Variants in ERC2 observed in about 807,000 individuals in gnomAD.
The protein encoded by ERC2 is ELKS/RAB6-interacting/CAST family member 2.
Under a neutral mutation model 114.8 loss-of-function variants are expected in ERC2, and 42 were observed. The ratio of observed to expected loss-of-function variants is 0.37; its 90% CI spans 0.29 to 0.47. ERC2 has a LOEUF of 0.47. Ranked by LOEUF, ERC2 falls within the 20% of genes least tolerant of loss-of-function variation. ERC2 has a pLI of 0.99. For synonymous variants in ERC2, 454 were observed against 425.5 expected, an observed-to-expected ratio of 1.07 and a Z score of -0.82; for missense variants, 939 against 1,150.7, an observed-to-expected ratio of 0.82 and a Z score of 2.66.
rs1452733412 is a variant in ERC2 at position 55,561,074 on chromosome 3, C to T, written c.*40-49798G>A. ...TATCGATGGCCAAAGGCAAACATGGCTTCACCAGTTCAGGCAGAAGCTTTA... is the reference window on the plus strand; with the variant it reads ...TATCGATGGCCAAAGGCAAACATGGTTTCACCAGTTCAGGCAGAAGCTTTA... On this transcript the variant is annotated intron_variant, in intron 17 of 17. Transcript: ENST00000288221. Among the ~76,000 whole-genome samples, 5 of 151,902 alleles carry T rather than the reference C, an allele frequency of 3.3e-5. No individual in the cohort carries two copies. The East Asian group carries it at 9.7e-4, about 29-fold the overall frequency.
chr3:56,268,223 C>T (rs2053448074), intron 3 of ERC2, among the ~76,000 whole-genome samples: 1 of 152,082 alleles, frequency 6.6e-6, no homozygotes, highest in African/African-American at 2.4e-5. Context: ...ATATTCAGTC[C>T]AGTAATATGC....
At chr3:56,429,019 C>A (rs553028435) in intron 2 of ERC2, among the ~76,000 whole-genome samples, 2 of 152,064 alleles carry the variant, frequency 1.3e-5, no homozygotes, top group Admixed American at 6.5e-5. Context: ...GGAAGAAATC[C>A]GTTAGAAATA....
intron 3 of ERC2, among the ~76,000 whole-genome samples, chr3:56,190,346 A>G (rs1384075965): frequency 1.3e-5 from 2 of 152,264 alleles, no homozygotes; most frequent in East Asian, 3.9e-4. Flanking sequence ...CACCTCATTG[A>G]GTTGTGAGAA....
At chr3:55,709,412 T>C (rs546899808) in intron 15 of ERC2, among the ~76,000 whole-genome samples, 2 of 152,286 alleles carry the variant, frequency 1.3e-5, no homozygotes, top group South Asian at 2.1e-4. Context: ...ATAGAAATTA[T>C]GTCTTAGGAT....
At chr3:56,131,946 C>G (rs2080227212) in intron 6 of ERC2, among the ~76,000 whole-genome samples, 1 of 152,130 alleles carries the variant, frequency 6.6e-6, no homozygotes, top group Non-Finnish European at 1.5e-5. Context: ...TCACCGTACC[C>G]CATAAATATG....
At chr3:55,808,253 A>C (rs571267629) in intron 14 of ERC2, among the ~76,000 whole-genome samples, 1 of 152,208 alleles carries the variant, frequency 6.6e-6, no homozygotes, top group East Asian at 1.9e-4. Flanking sequence ...ATAAGATGAA[A>C]GTAGAATTTC....
At chr3:55,593,771 C>G (rs1013910501) in intron 17 of ERC2, among the ~76,000 whole-genome samples, 2 of 152,132 alleles carry the variant, frequency 1.3e-5, no homozygotes, top group African/African-American at 4.8e-5. Flanking sequence ...GAAGACTCAA[C>G]CTCTTCTGGC....
At chr3:55,766,480 C>T (rs1467100607) in intron 14 of ERC2, among the ~76,000 whole-genome samples, 2 of 152,124 alleles carry the variant, frequency 1.3e-5, no homozygotes, top group Non-Finnish European at 2.9e-5. Flanking sequence ...AATCCAACAA[C>T]AGTATGCAAG....
intron 2 of ERC2, among the ~76,000 whole-genome samples, chr3:56,297,182 T>G (rs2055501096): frequency 6.6e-6 from 1 of 150,480 alleles, no homozygotes; most frequent in African/African-American, 2.5e-5. Flanking sequence ...GCAAAGGATA[T>G]TTAACAGAAA....
intron 7 of ERC2, among the ~76,000 whole-genome samples, chr3:56,074,455 C>A (rs942361306): frequency 1.3e-5 from 2 of 151,956 alleles, no homozygotes; most frequent in African/African-American, 4.8e-5. Flanking sequence ...TTGGAAATGA[C>A]CACATATAAC....
chr3:56,324,008 A>G (rs2057245773), intron 2 of ERC2, among the ~76,000 whole-genome samples: 1 of 152,198 alleles, frequency 6.6e-6, no homozygotes, highest in African/African-American at 2.4e-5. Flanking sequence ...TCTGGCACCT[A>G]CAACCGTGTG....
intron 3 of ERC2, among the ~76,000 whole-genome samples, chr3:56,219,136 T>C (rs2049720221): frequency 6.6e-6 from 1 of 151,948 alleles, no homozygotes; most frequent in South Asian, 2.1e-4. Context: ...TAAAGTATAA[T>C]AAATAAAATA....
intron 16 of ERC2, among the ~76,000 whole-genome samples, chr3:55,691,561 AAAAAAAAAAAAAATATATAT>A (rs1280249794): frequency 5.5e-5 from 5 of 91,434 alleles, no homozygotes; most frequent in African/African-American, 2.2e-4. Flanking sequence ...AAAAAAAAAA[AAAAAAAAAAAAAATATATAT>A]ATATATATAT....
chr3:55,693,787 C>T (rs2062788127), intron 16 of ERC2, among the ~76,000 whole-genome samples: 1 of 151,944 alleles, frequency 6.6e-6, no homozygotes, highest in Non-Finnish European at 1.5e-5. Flanking sequence ...CAGCTCACTG[C>T]CACCTCCACC....
chr3:56,005,838 C>T lies in ERC2; in HGVS notation c.2061+1343G>A, dbSNP rs149541593. 2.7e-3 allele frequency among the ~76,000 whole-genome samples: 406 copies of T among 152,140 alleles called. 2 individuals carry two copies. Among genetic ancestry groups the T allele is most frequent in the African/African-American group, 9.3e-3 (387 of 41,538 alleles). On this transcript the variant is annotated intron_variant, in intron 10 of 17. Transcript: ENST00000288221. ...AAATAAAAAATATTCTTCATAAGTT[C>T]ATCCCTTAATATGCATATCATAGAT...
intron 17 of ERC2, among the ~76,000 whole-genome samples, chr3:55,532,253 C>A (rs1179480): frequency 2.0e-5 from 3 of 152,178 alleles, no homozygotes; most frequent in South Asian, 2.1e-4. Flanking sequence ...AGAGGGTGAC[C>A]TGGGTTGAGC....
chr3:55,996,687 C>T (rs1025192713), intron 10 of ERC2, among the ~76,000 whole-genome samples: 1 of 152,152 alleles, frequency 6.6e-6, no homozygotes, highest in African/African-American at 2.4e-5. Context: ...TGGAGTCTCA[C>T]TGATGTGGGC....
At chr3:56,102,164 G>A (rs2078396150) in intron 6 of ERC2, among the ~76,000 whole-genome samples, 1 of 152,236 alleles carries the variant, frequency 6.6e-6, no homozygotes, top group Non-Finnish European at 1.5e-5. Flanking sequence ...AAATGCAAAT[G>A]GAGGTCAGGC....
At chr3:55,930,012 G>A (rs528705941) in intron 13 of ERC2, among the ~76,000 whole-genome samples, 2 of 152,148 alleles carry the variant, frequency 1.3e-5, no homozygotes, top group South Asian at 2.1e-4. Flanking sequence ...GCCAAGGCAC[G>A]TAGATCACTT....
Sources: gnomAD v4.1 joint callset for allele counts (sites outside exome capture counted in the v4.1 genomes callset) on GRCh38, gnomAD v4.1.1 for gene constraint, MANE v1.5 for transcripts, NCBI Gene and HGNC (gene_info 2026-07-23, HGNC 2026-07-21) for gene names.